CADPS2: variants seen among roughly 807,000 people sequenced by gnomAD.
CADPS2 encodes the protein calcium-dependent secretion activator 2.
Under a neutral mutation model 172.5 loss-of-function variants are expected in CADPS2, and 93 were observed. The ratio of observed to expected loss-of-function variants is 0.54; its 90% CI spans 0.46 to 0.64. CADPS2 has a LOEUF of 0.64. Among genes scored for constraint, CADPS2 ranks in the 30% least tolerant of loss-of-function variants. The pLI is 0.00. For synonymous variants in CADPS2, 546 were observed against 555.2 expected (o/e 0.98, Z 0.23); for missense variants, 1,420 against 1,565.9 (o/e 0.91, Z 1.57).
chr7:122,731,651 A>AG (rs747105462), intron 2 of CADPS2, among the ~76,000 whole-genome samples: 13 of 149,176 alleles, frequency 8.7e-5, no homozygotes, highest in East Asian at 2.0e-4. Flanking sequence ...AGGTGCTTAA[A>AG]GAAAAAAAAA....
At chr7:122,499,169 C>T (rs1328957436) in intron 9 of CADPS2, among the ~76,000 whole-genome samples, 1 of 152,220 alleles carries the variant, frequency 6.6e-6, no homozygotes, top group Admixed American at 6.5e-5. Context: ...AGCTCAAACA[C>T]AAGATTAATT....
At chr7:122,631,693 TC>T (rs985143607) in intron 3 of CADPS2, among the ~76,000 whole-genome samples, 4 of 104,744 alleles carry the variant, frequency 3.8e-5, no homozygotes, top group African/African-American at 1.5e-4. Context: ...CATTGTCTTT[TC>T]TTTTTTTTTT....
At chr7:122,679,860 C>T (rs1045210366) in intron 2 of CADPS2, among the ~76,000 whole-genome samples, 1 of 152,198 alleles carries the variant, frequency 6.6e-6, no homozygotes, top group Non-Finnish European at 1.5e-5. Flanking sequence ...CAATCCTAAT[C>T]TTGTGGCCTT....
At chr7:122,328,173 C>T (rs2034273250) in intron 28 of CADPS2, among the ~76,000 whole-genome samples, 1 of 141,492 alleles carries the variant, frequency 7.1e-6, no homozygotes, top group South Asian at 2.3e-4. Flanking sequence ...ACGCACACAC[C>T]TTAAACAAAC....
intron 14 of CADPS2, among the ~76,000 whole-genome samples, chr7:122,468,912 T>TA (rs2055527072): frequency 6.6e-6 from 1 of 152,204 alleles, no homozygotes; most frequent in Admixed American, 6.5e-5. Context: ...TCTTAAGCTA[T>TA]ATGACACCTC....
At chr7:122,833,266 A>G (rs192547607) in intron 1 of CADPS2, among the ~76,000 whole-genome samples, 1 of 152,376 alleles carries the variant, frequency 6.6e-6, no homozygotes, top group Admixed American at 6.5e-5. Flanking sequence ...AAGTACTACT[A>G]AAATTGACCA....
intron 1 of CADPS2, among the ~76,000 whole-genome samples, chr7:122,882,801 G>A (rs1490914907): frequency 6.6e-6 from 1 of 152,068 alleles, no homozygotes; most frequent in East Asian, 1.9e-4. Flanking sequence ...CTGGGGTGGT[G>A]CAAAGGTAAT....
chr7:122,543,448 G>A (rs2063305038), intron 8 of CADPS2, among the ~76,000 whole-genome samples: 1 of 151,876 alleles, frequency 6.6e-6, no homozygotes, highest in African/African-American at 2.4e-5. Context: ...CTGACACATA[G>A]TCTCAATAAA....
intron 1 of CADPS2, among the ~76,000 whole-genome samples, chr7:122,747,744 C>T (rs1017742860): frequency 6.6e-6 from 1 of 152,132 alleles, no homozygotes; most frequent in Non-Finnish European, 1.5e-5. Flanking sequence ...GGGCCAATCA[C>T]ATGATTTAAT....
intron 11 of CADPS2, among the ~76,000 whole-genome samples, chr7:122,487,054 C>T (rs1179133712): frequency 7.0e-6 from 1 of 142,986 alleles, no homozygotes; most frequent in Non-Finnish European, 1.5e-5. Flanking sequence ...TTCACTCTAT[C>T]GCCCAGGCTG....
At chr7:122,370,294 C>T (rs994075903) in intron 25 of CADPS2, among the ~76,000 whole-genome samples, 31 of 152,206 alleles carry the variant, frequency 2.0e-4, no homozygotes, top group Non-Finnish European at 3.1e-4. Flanking sequence ...TTGCTTAGCA[C>T]TGTATCCCTG....
chr7:122,749,959 G>GT (rs2092879082), intron 1 of CADPS2, among the ~76,000 whole-genome samples: 1 of 139,566 alleles, frequency 7.2e-6, no homozygotes, highest in Non-Finnish European at 1.5e-5. Flanking sequence ...CACCTGTGAG[G>GT]TTAAAAAAAA....
intron 27 of CADPS2, among the ~76,000 whole-genome samples, chr7:122,346,106 C>T (rs1205790392): frequency 6.6e-6 from 1 of 152,018 alleles, no homozygotes; most frequent in African/African-American, 2.4e-5. Flanking sequence ...ATGGCTCATG[C>T]CTGCAATCCC....
intron 3 of CADPS2, among the ~76,000 whole-genome samples, chr7:122,640,978 G>A (rs980459419): frequency 6.6e-6 from 1 of 151,544 alleles, no homozygotes; most frequent in Non-Finnish European, 1.5e-5. Context: ...TCCTAGTGCC[G>A]GATTTAGGCT....
chr7:122,709,191 C>T (rs186314125), intron 2 of CADPS2, among the ~76,000 whole-genome samples: 2 of 152,192 alleles, frequency 1.3e-5, no homozygotes, highest in African/African-American at 4.8e-5. Flanking sequence ...GGGACTCCAT[C>T]ATTTCAAGAT....
At chr7:122,491,612 T>C (rs2058296228) in intron 9 of CADPS2, among the ~76,000 whole-genome samples, 192 bp from the exon 10 acceptor site, 1 of 152,148 alleles carries the variant, frequency 6.6e-6, no homozygotes, top group East Asian at 1.9e-4. Flanking sequence ...TTGCATTTGT[T>C]GGGTCTTCTA....
chr7:122,732,731 TTA>T (rs2137585821), intron 2 of CADPS2, among the ~76,000 whole-genome samples: 1 of 144,184 alleles, frequency 6.9e-6, no homozygotes, highest in East Asian at 2.0e-4. Context: ...TTACATATCA[TTA>T]TATATTATAT....
chr7:122,706,466 T>C (rs958370715), intron 2 of CADPS2, among the ~76,000 whole-genome samples: 2 of 146,222 alleles, frequency 1.4e-5, no homozygotes, highest in African/African-American at 5.0e-5. Flanking sequence ...GGAATATATA[T>C]ATGTTTATAT....
chr7:122,559,169 G>A (rs1246815438), intron 7 of CADPS2, among the ~76,000 whole-genome samples: 5 of 152,178 alleles, frequency 3.3e-5, no homozygotes, highest in African/African-American at 1.2e-4. Context: ...TCACTTGGAA[G>A]TCTAAAAGAA....
Sources: allele counts gnomAD v4.1 joint callset (sites outside exome capture counted in the v4.1 genomes callset), GRCh38; gene constraint gnomAD v4.1.1; transcripts MANE v1.5; gene names NCBI Gene and HGNC (gene_info 2026-07-23, HGNC 2026-07-21).